Variants in NKAIN2 observed in about 807,000 individuals in gnomAD.
The protein encoded by NKAIN2 is sodium/potassium transporting ATPase interacting 2.
NKAIN2 carries 14 observed loss-of-function variants against 32.6 expected under a neutral mutation model. The ratio of observed to expected loss-of-function variants is 0.43; its 90% CI spans 0.28 to 0.67. NKAIN2 has a LOEUF of 0.67. NKAIN2 is among the 30% of genes least tolerant of loss of function. NKAIN2 has a pLI of 0.17. For missense variants in NKAIN2, 198 were observed against 258.3 expected (o/e 0.77, Z 1.60); for synonymous variants, 80 against 87.2 (o/e 0.92, Z 0.46).
intron 3 of NKAIN2, among the ~76,000 whole-genome samples, chr6:124,451,033 A>G (rs907114980): frequency 1.3e-5 from 2 of 152,150 alleles, no homozygotes; most frequent in African/African-American, 2.4e-5. Flanking sequence ...ATGAAACCAG[A>G]AATAGAAAGA....
intron 3 of NKAIN2, among the ~76,000 whole-genome samples, chr6:124,359,704 G>C (rs1339672641): frequency 2.6e-5 from 4 of 152,188 alleles, no homozygotes; most frequent in South Asian, 4.1e-4. Flanking sequence ...GATATACAAT[G>C]ATGTCATCTG....
intron 2 of NKAIN2, among the ~76,000 whole-genome samples, chr6:124,306,905 C>A (rs1225515897): frequency 1.3e-5 from 2 of 152,052 alleles, no homozygotes; most frequent in Admixed American, 1.3e-4. Context: ...TATTTGCTAA[C>A]CTTTCATTAA....
rs564364607 is a variant in NKAIN2, at chr6:124,426,087, C to G, written c.273+70740C>G. On this transcript the variant is annotated intron_variant, in intron 3 of 6. Coordinates refer to ENST00000368417, the MANE Select transcript of NKAIN2 (RefSeq NM_001040214.3). ...ATCTTTCTCCTTAATACTGTCTTCTCCCTTGGAATATGTAGCTGATTGTAT... is the reference window on the plus strand; with the variant it reads ...ATCTTTCTCCTTAATACTGTCTTCTGCCTTGGAATATGTAGCTGATTGTAT... 2.2e-4 allele frequency among the ~76,000 whole-genome samples: 34 copies of G among 152,216 alleles called. No individual in the cohort carries two copies. The South Asian group carries it at 6.4e-3, about 29-fold the overall frequency.
chr6:124,440,698 A>G (rs895229223), intron 3 of NKAIN2, among the ~76,000 whole-genome samples: 2 of 152,082 alleles, frequency 1.3e-5, no homozygotes, highest in Non-Finnish European at 2.9e-5. Flanking sequence ...CAGGATGCAG[A>G]CTTCTCTCTT....
intron 2 of NKAIN2, among the ~76,000 whole-genome samples, chr6:124,297,527 G>A (rs144065619): frequency 0.021 from 3,256 of 152,018 alleles, 54 homozygotes; most frequent in Non-Finnish European, 0.032. Flanking sequence ...CCCCTGCCCC[G>A]TGTGGCTCTC....
chr6:124,602,752 A>C (rs1782357114), intron 3 of NKAIN2, among the ~76,000 whole-genome samples: 1 of 151,912 alleles, frequency 6.6e-6, no homozygotes, highest in African/African-American at 2.4e-5. Context: ...ATTTGAGGTC[A>C]AACAGTATAC....
intron 3 of NKAIN2, among the ~76,000 whole-genome samples, chr6:124,485,737 G>A (rs915289939): frequency 6.6e-6 from 1 of 152,046 alleles, no homozygotes; most frequent in Non-Finnish European, 1.5e-5. Flanking sequence ...CCAGTGTGCA[G>A]CAGGATCCTT....
chr6:124,122,927 A>T (rs1263628117), intron 1 of NKAIN2, among the ~76,000 whole-genome samples: 3 of 152,162 alleles, frequency 2.0e-5, no homozygotes, highest in Non-Finnish European at 4.4e-5. Flanking sequence ...ATTTTTAGAA[A>T]TTAATTTAAT....
intron 3 of NKAIN2, among the ~76,000 whole-genome samples, chr6:124,585,069 A>G (rs1781664156): frequency 1.3e-5 from 2 of 152,248 alleles, no homozygotes; most frequent in Admixed American, 1.3e-4. Context: ...AGTGTCCATC[A>G]GCAGACAAAT....
At chr6:124,104,080 C>A (rs1224128423) in intron 1 of NKAIN2, among the ~76,000 whole-genome samples, 1 of 151,944 alleles carries the variant, frequency 6.6e-6, no homozygotes, top group Non-Finnish European at 1.5e-5. Context: ...GAGCGAGACT[C>A]CATCTCAAAA....
intron 2 of NKAIN2, among the ~76,000 whole-genome samples, chr6:124,317,360 T>C (rs1796999699): frequency 6.6e-6 from 1 of 152,058 alleles, no homozygotes; most frequent in Admixed American, 6.6e-5. Context: ...GTGTCTGGAG[T>C]GTGCAGTGTA....
At chr6:124,353,318 A>C (rs184282568) in intron 2 of NKAIN2, among the ~76,000 whole-genome samples, 219 of 152,320 alleles carry the variant, frequency 1.4e-3, no homozygotes, top group African/African-American at 5.0e-3. Flanking sequence ...TAGGAGAAAC[A>C]AAGTTTGTTG....
chr6:124,308,273 A>C (rs1796589594), intron 2 of NKAIN2, among the ~76,000 whole-genome samples: 1 of 152,000 alleles, frequency 6.6e-6, no homozygotes, highest in Non-Finnish European at 1.5e-5. Flanking sequence ...TGGTTTGCTG[A>C]GAATGATGGC....
intron 3 of NKAIN2, among the ~76,000 whole-genome samples, chr6:124,428,561 A>G (rs1422540921): frequency 6.6e-6 from 1 of 152,212 alleles, no homozygotes; most frequent in Non-Finnish European, 1.5e-5. Context: ...GGGCAGCCTA[A>G]GTAAAAGCTA....
chr6:124,088,596 A>G (rs1292813270), intron 1 of NKAIN2, among the ~76,000 whole-genome samples: 1 of 152,014 alleles, frequency 6.6e-6, no homozygotes, highest in Admixed American at 6.6e-5. Context: ...AATCTCTAGT[A>G]CTGTTGCTTT....
chr6:124,388,023 G>A (rs1213880776), intron 3 of NKAIN2, among the ~76,000 whole-genome samples: 1 of 152,002 alleles, frequency 6.6e-6, no homozygotes, highest in Non-Finnish European at 1.5e-5. Context: ...ATAAAGACCT[G>A]GAATGCTGTT....
chr6:124,557,915 A>C (rs1780536076), intron 3 of NKAIN2, among the ~76,000 whole-genome samples: 1 of 152,274 alleles, frequency 6.6e-6, no homozygotes, highest in Non-Finnish European at 1.5e-5. Flanking sequence ...CTGTGATTTT[A>C]AATTATCATA....
intron 1 of NKAIN2, among the ~76,000 whole-genome samples, chr6:124,124,196 A>G (rs190677065): frequency 4.6e-5 from 7 of 152,298 alleles, no homozygotes; most frequent in African/African-American, 1.7e-4. Flanking sequence ...ACTGGAAAAG[A>G]TGTTTTATTT....
chr6:124,559,233 C>G (rs1780593521), intron 3 of NKAIN2, among the ~76,000 whole-genome samples: 1 of 152,068 alleles, frequency 6.6e-6, no homozygotes, highest in South Asian at 2.1e-4. Flanking sequence ...TATTCTCTGC[C>G]TTCATGGATA....
Sources: gnomAD v4.1 joint callset for allele counts (sites outside exome capture counted in the v4.1 genomes callset) on GRCh38, gnomAD v4.1.1 for gene constraint, MANE v1.5 for transcripts, NCBI Gene and HGNC (gene_info 2026-07-23, HGNC 2026-07-21) for gene names.